Variants in ATP9B observed in about 807,000 individuals in gnomAD.
The protein encoded by ATP9B is ATPase phospholipid transporting 9B, also known as probable phospholipid-transporting ATPase IIB.
Under a neutral mutation model 146.1 loss-of-function variants are expected in ATP9B, and 110 were observed. The ratio of observed to expected loss-of-function variants is 0.75; its 90% CI spans 0.65 to 0.88. ATP9B has a LOEUF of 0.88. Among genes scored for constraint, ATP9B ranks in the 40% least tolerant of loss-of-function variants. The pLI, the probability that ATP9B is intolerant of heterozygous loss-of-function variation, is 0.00. For missense variants in ATP9B, 1,499 were observed against 1,496.4 expected, an observed-to-expected ratio of 1.00 and a Z score of -0.03; for synonymous variants, 604 against 569.7, an observed-to-expected ratio of 1.06 and a Z score of -0.86.
chr18:79,223,068 A>T (rs1196783079), intron 11 of ATP9B, among the ~76,000 whole-genome samples: 1 of 152,230 alleles, frequency 6.6e-6, no homozygotes, highest in African/African-American at 2.4e-5. Context: ...TGATTTGTGT[A>T]TCTAATAAAA....
rs185130553 is a variant in ATP9B at position 79,238,824 on chromosome 18, T to C, written c.1108-14557T>C. On this transcript the variant is annotated intron_variant, in intron 11 of 29. Coordinates refer to ENST00000426216, the MANE Select transcript of ATP9B (RefSeq NM_198531.5). ...TAATAGATTTCCAAAGAGGGAAATA[T>C]CTGCAGTGGCCACATGGGCAGTGAC... is the stretch of plus-strand genomic sequence containing the variant. Among the ~76,000 whole-genome samples, 296 of 152,260 alleles carry C rather than the reference T, an allele frequency of 1.9e-3. 2 individuals carry two copies. The highest frequency in any genetic ancestry group is 7.0e-3 in the African/African-American group (293 of 41,580).
At chr18:79,355,557 A>G (rs780973666) in intron 25 of ATP9B, among the ~76,000 whole-genome samples, 12 of 152,212 alleles carry the variant, frequency 7.9e-5, no homozygotes, top group Non-Finnish European at 1.3e-4. Flanking sequence ...CTCAATCTGA[A>G]CAAGAGAGAA....
intron 5 of ATP9B, among the ~76,000 whole-genome samples, chr18:79,141,163 G>C (rs2094509080): frequency 6.6e-6 from 1 of 152,164 alleles, no homozygotes; most frequent in African/African-American, 2.4e-5. Flanking sequence ...TGTTGTGATA[G>C]TGGGTGAGTT....
At chr18:79,285,226 C>T (rs2096424578) in intron 13 of ATP9B, among the ~76,000 whole-genome samples, 1 of 151,638 alleles carries the variant, frequency 6.6e-6, no homozygotes, top group African/African-American at 2.4e-5. Flanking sequence ...AACTAGTTTA[C>T]AGTCCCACCA....
chr18:79,376,172 AAC>A (rs373840231), intron 29 of ATP9B: 14,461 of 846,544 alleles, frequency 0.017, 19 homozygotes, highest in South Asian at 0.031. Context: ...CTACCTTAGA[AAC>A]ACACACACAC....
intron 13 of ATP9B, among the ~76,000 whole-genome samples, chr18:79,292,058 A>G (rs188644340): frequency 2.6e-5 from 4 of 152,342 alleles, no homozygotes; most frequent in East Asian, 3.9e-4. Context: ...ATTGTAGTGT[A>G]TATCAGTACC....
rs982686327 is a variant in ATP9B, at chr18:79,136,111, A to T, written c.668-7691A>T. Among the ~76,000 whole-genome samples the T allele has an allele frequency of 8.5e-5, 13 of 152,344 alleles. 1 individual carries two copies. Among genetic ancestry groups the T allele is most frequent in the Non-Finnish European group, 1.2e-4 (8 of 68,024 alleles). On this transcript the variant is annotated intron_variant, in intron 5 of 29. Transcript: ENST00000426216. ...ACAAAGGGCCTACATCTAACAACTA[A>T]TACTAGTGTATTAATACAACTAATT... is the stretch of plus-strand genomic sequence containing the variant.
At chr18:79,106,106 A>C (rs1787277) in intron 2 of ATP9B, among the ~76,000 whole-genome samples, 20,081 of 152,244 alleles carry the variant, frequency 0.13, 1,924 homozygotes, top group African/African-American at 0.27. Context: ...TTTAAGAAAA[A>C]GTATAACTTG....
chr18:79,260,161 A>G (rs550558791), intron 12 of ATP9B, among the ~76,000 whole-genome samples: 2 of 152,280 alleles, frequency 1.3e-5, no homozygotes, highest in African/African-American at 4.8e-5. Context: ...AAGGAGGTTG[A>G]ATTGACTCAC....
intron 9 of ATP9B, among the ~76,000 whole-genome samples, chr18:79,201,298 A>G (rs2095485345): frequency 1.3e-5 from 2 of 152,224 alleles, no homozygotes; most frequent in Non-Finnish European, 1.5e-5. Context: ...GACATGATAA[A>G]TAACTTGTTT....
At chr18:79,305,796 T>C (rs1268079454) in intron 14 of ATP9B, among the ~76,000 whole-genome samples, 1 of 152,254 alleles carries the variant, frequency 6.6e-6, no homozygotes, top group African/African-American at 2.4e-5. Flanking sequence ...TTATGTGAAA[T>C]TGATCTGATT....
At chr18:79,374,241 C>A in intron 28 of ATP9B, 140 bp downstream of exon 28, 2 of 1,004,654 alleles carry the variant, frequency 2.0e-6, no homozygotes, top group South Asian at 1.6e-5. Flanking sequence ...CTCTTACTGT[C>A]CCTGCACCAC....
Position 79,374,061 on chromosome 18 carries a change from C to G in ATP9B, c.3234C>G (p.Gly1078=). ...LMVVAEFLSL[G]CYVSSLAFLN... Reference sequence around the variant, plus strand: ...TGGTGGCCGAGTTCCTCAGCTTAGGCTGCTACGTGTCCTCACTCGCTTTTC... The same window carrying G: ...TGGTGGCCGAGTTCCTCAGCTTAGGGTGCTACGTGTCCTCACTCGCTTTTC... The change falls in exon 28 of 30, where the codon GGC becomes GGG. Residue 1078 remains glycine (G), a synonymous_variant. Transcript: ENST00000426216. 4.3e-6 allele frequency: 7 copies of G among 1,614,234 alleles called. No homozygotes were observed. Among genetic ancestry groups the G allele is most frequent in the Non-Finnish European group, 5.9e-6 (7 of 1,180,044 alleles).
intron 13 of ATP9B, among the ~76,000 whole-genome samples, chr18:79,299,509 G>T (rs1030696560): frequency 3.9e-5 from 6 of 152,192 alleles, no homozygotes; most frequent in Non-Finnish European, 8.8e-5. Context: ...GCAGTCTCCT[G>T]TGACTGCACC....
At chr18:79,376,696 C>CT (rs35556122) in intron 29 of ATP9B, among the ~76,000 whole-genome samples, 28,811 of 129,284 alleles carry the variant, frequency 0.22, 3,955 homozygotes, top group East Asian at 0.52. Context: ...GGCCTACAAC[C>CT]TTTTTTTTTT....
At chr18:79,322,681 A>T (rs2096722473) in intron 15 of ATP9B, among the ~76,000 whole-genome samples, 1 of 152,252 alleles carries the variant, frequency 6.6e-6, no homozygotes, top group Non-Finnish European at 1.5e-5. Context: ...TGTGTAATTT[A>T]TGTTCTTACT....
At chr18:79,327,945 CGTGGTT>C (rs2096767522) in intron 15 of ATP9B, among the ~76,000 whole-genome samples, 2 of 64,288 alleles carry the variant, frequency 3.1e-5, no homozygotes, top group African/African-American at 6.1e-5. Flanking sequence ...GCGTGCTCTC[CGTGGTT>C]AGCGTGCTCT....
intron 12 of ATP9B, among the ~76,000 whole-genome samples, chr18:79,274,163 A>T: frequency 6.6e-6 from 1 of 152,278 alleles, no homozygotes; most frequent in Admixed American, 6.5e-5. Context: ...GGTTTAATAT[A>T]TATTGAGGGG....
chr18:79,198,032 A>G (rs186222347), intron 9 of ATP9B, among the ~76,000 whole-genome samples: 171 of 152,356 alleles, frequency 1.1e-3, no homozygotes, highest in African/African-American at 3.9e-3. Flanking sequence ...ACATTTTTCA[A>G]AATCTCATGG....
Sources: allele counts gnomAD v4.1 joint callset (sites outside exome capture counted in the v4.1 genomes callset), GRCh38; gene constraint gnomAD v4.1.1; transcripts MANE v1.5; gene names NCBI Gene and HGNC (gene_info 2026-07-23, HGNC 2026-07-21).